KDM4A: variants seen among roughly 807,000 people sequenced by gnomAD.
The protein encoded by KDM4A is lysine demethylase 4A.
A neutral mutation model predicts 127.1 loss-of-function variants in KDM4A; 23 were observed. That is an observed-to-expected ratio of 0.18 (90% CI 0.13 to 0.26). The LOEUF (loss-of-function observed/expected upper bound fraction) is 0.26, where lower values mean the gene tolerates loss of function less well. KDM4A is among the 10% of genes least tolerant of loss of function. The pLI is 1.00. For synonymous variants in KDM4A, 443 were observed against 466.5 expected, an observed-to-expected ratio of 0.95 and a Z score of 0.65; for missense variants, 890 against 1,329.1, an observed-to-expected ratio of 0.67 and a Z score of 5.14.
intron 19 of KDM4A, 54 bp downstream of exon 19, chr1:43,698,067 G>A: frequency 6.4e-7 from 1 of 1,570,142 alleles, no homozygotes; most frequent in Non-Finnish European, 8.7e-7. Context: ...ATGTTTCTAA[G>A]GTCTGGCTGG....
At chr1:43,671,931 C>T (rs1035939282) in intron 11 of KDM4A, 56 bp downstream of exon 11, 29 of 1,494,514 alleles carry the variant, frequency 1.9e-5, no homozygotes, top group South Asian at 1.7e-4. Flanking sequence ...GACACCCTGT[C>T]GGGAGGGGAT....
At chr1:43,683,882 A>G (rs1660913139) in intron 12 of KDM4A, 78 bp downstream of exon 12, 2 of 1,538,908 alleles carry the variant, frequency 1.3e-6, no homozygotes, top group African/African-American at 1.4e-5. Context: ...TCAGAAGGCC[A>G]AGCTGAGGGA....
rs972209738 is a variant in KDM4A, at chr1:43,688,726, T to G, written c.1856-188T>G. Among the ~76,000 whole-genome samples the G allele has an allele frequency of 6.6e-6, 1 of 152,112 alleles. No homozygotes were observed. Among genetic ancestry groups the G allele is most frequent in the Non-Finnish European group, 1.5e-5 (1 of 68,010 alleles). ...GGGTACTGGCAGGACTCCCTACACA[T>G]CATCAAGATACTGAAGGAGTCTATT... is the stretch of plus-strand genomic sequence containing the variant. On this transcript the variant is annotated intron_variant, in intron 12 of 21. Transcript: ENST00000372396. The surrounding 1 kb of genome is among the most constrained non-coding windows in gnomAD (Gnocchi z 4.4).
chr1:43,669,292 C>T lies in KDM4A; in HGVS notation c.1356C>T (p.Thr452=), dbSNP rs745498988. ...SSVRQVEDGL[T]FPDYSDSTEV... ...TGCGGCAAGTTGAGGATGGTCTTAC[C>T]TTCCCAGGTTAGTTGACTATGGTGT... The change falls in exon 10 of 22, where the codon ACC becomes ACT. Residue 452 remains threonine, a synonymous_variant. Coordinates refer to ENST00000372396, the MANE Select transcript of KDM4A (RefSeq NM_014663.3). 6 of 1,614,174 alleles carry T rather than the reference C, an allele frequency of 3.7e-6. No individual in the cohort carries two copies. The highest frequency in any genetic ancestry group is 1.3e-5 in the African/African-American group (1 of 75,040).
intron 4 of KDM4A, 49 bp from the exon 5 acceptor site, chr1:43,662,845 C>A: frequency 6.6e-7 from 1 of 1,515,910 alleles, no homozygotes; most frequent in South Asian, 1.3e-5. Flanking sequence ...TTCAGAGCCT[C>A]GGTTTCTATG....
rs1661505393 is a variant in KDM4A at position 43,704,761 on chromosome 1, G to A, written c.*391G>A. On this transcript the variant is annotated 3_prime_UTR_variant, in exon 22 of 22. Coordinates refer to ENST00000372396, the MANE Select transcript of KDM4A (RefSeq NM_014663.3). ...GGTACTTGCCCCAACCCCTACTTTT[G>A]TATTTATATGTGTGTGTGTGTGTGC... 4.2e-6 allele frequency: 1 copy of A among 237,900 alleles called. No individual in the cohort carries two copies. The highest frequency in any genetic ancestry group is 5.2e-5 in the Admixed American group (1 of 19,394). The allele number at this position is 237,900 out of a possible 1,614,324, so 14.7% of individuals were successfully genotyped here. A position where few individuals can be genotyped will look rare whatever the true frequency, so the allele number is the denominator to read the frequency against.
intron 12 of KDM4A, among the ~76,000 whole-genome samples, chr1:43,685,683 G>T (rs1660957590): frequency 6.6e-6 from 1 of 152,148 alleles, no homozygotes; most frequent in African/African-American, 2.4e-5. Context: ...CAGGAGAATG[G>T]CATGAACCCA....
At position 43,694,515 on chromosome 1, in the gene KDM4A, C is replaced by CAAAAA. The variant is rs35419389; in HGVS notation, c.2485-179_2485-175dup. Among the ~76,000 whole-genome samples, 1 of 107,336 alleles carries CAAAAA rather than the reference C, an allele frequency of 9.3e-6. No homozygotes were observed. Among genetic ancestry groups the CAAAAA allele is most frequent in the African/African-American group, 3.5e-5 (1 of 28,692 alleles). 70.4% of individuals were successfully genotyped at this position (107,336 alleles called of 152,430 possible). A position where few individuals can be genotyped will look rare whatever the true frequency, so the allele number is the denominator to read the frequency against. On this transcript the variant is annotated intron_variant, in intron 17 of 21. Coordinates refer to ENST00000372396, the MANE Select transcript of KDM4A (RefSeq NM_014663.3). The surrounding 1 kb of genome is among the most constrained non-coding windows in gnomAD (Gnocchi z 5.2). ...TGGGTGACAGAGCAAGACTCCGTCTCAAAAAAAAAAAAAAAAAAATTTCCT... is the reference window on the plus strand; with the variant it reads ...TGGGTGACAGAGCAAGACTCCGTCTCAAAAAAAAAAAAAAAAAAAAAAAATTTCCT...
intron 11 of KDM4A, among the ~76,000 whole-genome samples, chr1:43,676,762 A>C (rs1454594857): frequency 6.6e-6 from 1 of 152,224 alleles, no homozygotes; most frequent in African/African-American, 2.4e-5. Context: ...ACATGTTGAT[A>C]CTTTAATACA....
chr1:43,657,520 T>C (rs10789439), intron 3 of KDM4A, among the ~76,000 whole-genome samples: 73,864 of 151,880 alleles, frequency 0.49, 19,385 homozygotes, highest in African/African-American at 0.71. Flanking sequence ...TCTTAAAACA[T>C]CTACCTTGCT....
intron 13 of KDM4A, 69 bp downstream of exon 13, chr1:43,689,164 G>A: frequency 6.7e-7 from 1 of 1,498,476 alleles, no homozygotes; most frequent in Non-Finnish European, 9.2e-7. Flanking sequence ...TTAATTGTGA[G>A]TATATAGCTT....
chr1:43,667,640 C>A, intron 8 of KDM4A, 132 bp from the exon 9 acceptor site: 1 of 1,208,426 alleles, frequency 8.3e-7, no homozygotes. Flanking sequence ...TGCCCTCAGC[C>A]TGTGAACCAA....
At chr1:43,654,423 A>G (rs921792852) in intron 2 of KDM4A, among the ~76,000 whole-genome samples, 1 of 151,826 alleles carries the variant, frequency 6.6e-6, no homozygotes, top group Non-Finnish European at 1.5e-5. Flanking sequence ...GCATCATGCC[A>G]TATACATTCC....
intron 13 of KDM4A, among the ~76,000 whole-genome samples, chr1:43,689,384 TCTAGTC>T (rs1247032205): frequency 6.6e-6 from 1 of 152,250 alleles, no homozygotes; most frequent in Non-Finnish European, 1.5e-5. Flanking sequence ...TTTCTGTTAT[TCTAGTC>T]CGTGGTTATT....
intron 11 of KDM4A, among the ~76,000 whole-genome samples, chr1:43,680,119 A>T (rs892680487): frequency 3.9e-5 from 6 of 152,188 alleles, no homozygotes; most frequent in Admixed American, 3.3e-4. Context: ...ATGCCATGGT[A>T]GCAGGAGGAG....
intron 11 of KDM4A, among the ~76,000 whole-genome samples, 193 bp downstream of exon 11, chr1:43,672,068 C>A (rs992277043): frequency 6.6e-6 from 1 of 152,190 alleles, no homozygotes; most frequent in African/African-American, 2.4e-5. Flanking sequence ...ATTCACTCTC[C>A]CAGCTTGTTC....
At chr1:43,683,841 C>G in intron 12 of KDM4A, 37 bp downstream of exon 12, 2 of 1,611,114 alleles carry the variant, frequency 1.2e-6, no homozygotes, top group Non-Finnish European at 1.7e-6. Flanking sequence ...AGGAAAGCAG[C>G]TCACCACATT....
At chr1:43,677,867 G>A (rs1660777401) in intron 11 of KDM4A, among the ~76,000 whole-genome samples, 1 of 152,264 alleles carries the variant, frequency 6.6e-6, no homozygotes, top group Non-Finnish European at 1.5e-5. Context: ...CAGGAAAGGA[G>A]GAAAAAAGAT....
intron 5 of KDM4A, among the ~76,000 whole-genome samples, chr1:43,663,801 T>TC (rs1570823177): frequency 6.6e-6 from 1 of 151,950 alleles, no homozygotes; most frequent in African/African-American, 2.4e-5. Context: ...TTTTTTTCCT[T>TC]CTTTTTTTTT....
Sources: allele counts gnomAD v4.1 joint callset (sites outside exome capture counted in the v4.1 genomes callset), GRCh38; gene constraint gnomAD v4.1.1; non-coding constraint Gnocchi (gnomAD v3.1); transcripts MANE v1.5; gene names NCBI Gene and HGNC (gene_info 2026-07-23, HGNC 2026-07-21).